The following GLI2 variants were observed in gnomAD, a reference collection of about 807,000 sequenced individuals.
GLI2 encodes the protein transcription activator GLI2.
A neutral mutation model predicts 78.9 loss-of-function variants in GLI2; 22 were observed. That is an observed-to-expected ratio of 0.28 (90% CI 0.20 to 0.40). GLI2 has a LOEUF of 0.40. Ranked by LOEUF, GLI2 falls within the 10% of genes least tolerant of loss-of-function variation. The probability of loss-of-function intolerance (pLI) is 1.00; values close to 1 mark genes in which losing one functional copy is unlikely to be tolerated. For missense variants in GLI2, 2,097 were observed against 2,213.2 expected (o/e 0.95, Z 1.05); for synonymous variants, 974 against 963.7 (o/e 1.01, Z -0.20).
In GLI2 at chr2:120,968,835, G is replaced by C. The variant is rs200901345; in HGVS notation, c.765G>C (p.Ser255=). Residue 255 remains serine, a synonymous_variant, in exon 6 of 14, where the codon TCG becomes TCC. Transcript: ENST00000361492. The part of the protein sequence containing the change: ...LQRMIRTSPN[S]LVAYINNSRS... ...GGATGATCCGCACCTCACCCAACTCGCTAGTGGCCTACATCAACAACTCCC... is the reference window on the plus strand; with the variant it reads ...GGATGATCCGCACCTCACCCAACTCCCTAGTGGCCTACATCAACAACTCCC... 1 of 1,613,802 alleles carries C rather than the reference G, an allele frequency of 6.2e-7. No individual in the cohort carries two copies. The highest frequency in any genetic ancestry group is 8.5e-7 in the Non-Finnish European group (1 of 1,179,978).
intron 4 of GLI2, among the ~76,000 whole-genome samples, chr2:120,953,529 A>G (rs187566548): frequency 6.6e-5 from 10 of 152,312 alleles, no homozygotes; most frequent in African/African-American, 2.4e-4. Flanking sequence ...ACTAATACAC[A>G]TGGTAACAGG....
At chr2:120,740,450 A>C (rs1380425318) in intron 1 of GLI2, among the ~76,000 whole-genome samples, 1 of 151,434 alleles carries the variant, frequency 6.6e-6, no homozygotes, top group Non-Finnish European at 1.5e-5. Context: ...AAAAAAAAAA[A>C]CAGGTTGCTG....
chr2:120,935,118 A>G (rs1680132046), intron 3 of GLI2, among the ~76,000 whole-genome samples: 1 of 152,214 alleles, frequency 6.6e-6, no homozygotes. Flanking sequence ...CTCTGCAAAC[A>G]TGCTCGTTTC....
intron 3 of GLI2, among the ~76,000 whole-genome samples, chr2:120,949,269 C>T (rs948452726): frequency 1.3e-5 from 2 of 152,256 alleles, no homozygotes; most frequent in Non-Finnish European, 2.9e-5. Flanking sequence ...CCCACCTCTA[C>T]AGGCAGGCTG....
intron 10 of GLI2, among the ~76,000 whole-genome samples, chr2:120,982,149 G>T (rs1682744342): frequency 6.6e-6 from 1 of 152,164 alleles, no homozygotes; most frequent in Non-Finnish European, 1.5e-5. Context: ...AGCCAGAGGG[G>T]TCGGTAGTAT....
intron 1 of GLI2, among the ~76,000 whole-genome samples, chr2:120,774,072 G>C (rs1295935029): frequency 6.6e-6 from 1 of 151,904 alleles, no homozygotes; most frequent in Non-Finnish European, 1.5e-5. Flanking sequence ...TGAGGAGCAG[G>C]CACCCCGATA....
intron 2 of GLI2, among the ~76,000 whole-genome samples, chr2:120,895,763 C>A (rs78596030): frequency 0.026 from 3,992 of 152,304 alleles, 175 homozygotes; most frequent in African/African-American, 0.091. Context: ...CAGTAAGTTT[C>A]CCTGGGAGGA....
chr2:120,907,436 C>T (rs903180866), intron 2 of GLI2, among the ~76,000 whole-genome samples: 4 of 152,164 alleles, frequency 2.6e-5, no homozygotes, highest in Non-Finnish European at 4.4e-5. Context: ...GACTCTGGGG[C>T]TCTGGGTGGC....
chr2:120,804,211 C>T (rs1391417236), intron 2 of GLI2, among the ~76,000 whole-genome samples: 1 of 152,210 alleles, frequency 6.6e-6, no homozygotes, highest in Non-Finnish European at 1.5e-5. Context: ...CACCACCTGC[C>T]TTACCACACC....
In GLI2 at chr2:120,986,431, G is replaced by T; in HGVS notation, c.2059G>T (p.Ala687Ser). 6.2e-7 allele frequency: 1 copy of T among 1,613,886 alleles called. No homozygotes were observed. The highest frequency in any genetic ancestry group is 8.5e-7 in the Non-Finnish European group (1 of 1,180,016). Residue 687 changes from alanine (A) to serine (S), a missense_variant, in exon 13 of 14, where the codon GCC becomes TCC. Transcript: ENST00000361492. ...GGCACTGGATGACACACCCCCAGGG[G>T]CCGACACCTCAGCCCTGGCTGCCCC... ...LTALDDTPPG[A>S]DTSALAAPSA...
chr2:120,989,642 C>T lies in GLI2; in HGVS notation c.3677C>T (p.Pro1226Leu), dbSNP rs2105093808. The T allele has an allele frequency of 6.2e-7, 1 of 1,613,366 alleles. No homozygotes were observed. Among genetic ancestry groups the T allele is most frequent in the Non-Finnish European group, 8.5e-7 (1 of 1,179,950 alleles). ...QCPGMTTTMS[P>L]HACYGQVHPQ... ...CCTGGCATGACTACCACTATGAGCC[C>T]CCATGCCTGCTATGGCCAAGTCCAC... is the stretch of plus-strand genomic sequence containing the variant. Residue 1226 changes from proline to leucine, a missense_variant, in exon 14 of 14, where the codon CCC becomes CTC. By Grantham distance (98) the Pro-to-Leu change is moderately conservative. This residue lies in a region of GLI2 where 1,290 missense variants were observed against 1,261.7 expected (regional missense o/e 1.02). Coordinates refer to ENST00000361492, the MANE Select transcript of GLI2 (RefSeq NM_001374353.1).
At chr2:120,772,313 A>G (rs1016125502) in intron 1 of GLI2, among the ~76,000 whole-genome samples, 2 of 151,218 alleles carry the variant, frequency 1.3e-5, no homozygotes, top group African/African-American at 2.4e-5. Flanking sequence ...TTCCCTCCCC[A>G]TCTCCAGCTC....
At chr2:120,855,418 T>G (rs1687599451) in intron 2 of GLI2, among the ~76,000 whole-genome samples, 1 of 152,204 alleles carries the variant, frequency 6.6e-6, no homozygotes, top group South Asian at 2.1e-4. Context: ...CACAGTGCAT[T>G]GTCCATCAGC....
chr2:120,894,064 G>A (rs1055237248), intron 2 of GLI2, among the ~76,000 whole-genome samples: 4 of 152,264 alleles, frequency 2.6e-5, no homozygotes, highest in Non-Finnish European at 4.4e-5. Flanking sequence ...GCTGAGGCCC[G>A]AGAGGCCTAT....
At chr2:120,905,375 A>G (rs920391058) in intron 2 of GLI2, among the ~76,000 whole-genome samples, 2 of 152,118 alleles carry the variant, frequency 1.3e-5, no homozygotes, top group African/African-American at 4.8e-5. Context: ...AGAACTGCCT[A>G]CCAGAGGGGC....
chr2:120,933,218 C>T (rs925303626), intron 3 of GLI2, among the ~76,000 whole-genome samples: 1 of 152,142 alleles, frequency 6.6e-6, no homozygotes, highest in Non-Finnish European at 1.5e-5. Context: ...ATGGCCTCCT[C>T]ATAGACACCC....
intron 11 of GLI2, among the ~76,000 whole-genome samples, chr2:120,984,137 C>CTAGT (rs1425175621): frequency 6.6e-6 from 1 of 152,160 alleles, no homozygotes. Flanking sequence ...TGAGCTCGTA[C>CTAGT]ACTTGCTACT....
chr2:120,990,871 A>T lies in GLI2; in HGVS notation c.*196A>T. The T allele has an allele frequency of 1.7e-6, 1 of 592,826 alleles. No individual in the cohort carries two copies. Among genetic ancestry groups the T allele is most frequent in the Non-Finnish European group, 3.0e-6 (1 of 334,610 alleles). 36.7% of individuals were successfully genotyped at this position (592,826 alleles called of 1,614,324 possible). On this transcript the variant is annotated 3_prime_UTR_variant, in exon 14 of 14. Coordinates refer to ENST00000361492, the MANE Select transcript of GLI2 (RefSeq NM_001374353.1). ...TCTCTGGTCTTTTGGATTATTCCTC[A>T]GAACAATGAAAAAAGTCTCCATAGG...
intron 3 of GLI2, among the ~76,000 whole-genome samples, chr2:120,938,786 C>T (rs1216220654): frequency 6.6e-6 from 1 of 152,164 alleles, no homozygotes; most frequent in African/African-American, 2.4e-5. Flanking sequence ...ATCATGTAGA[C>T]GACTGAGCCT....
Sources: allele counts gnomAD v4.1 joint callset (sites outside exome capture counted in the v4.1 genomes callset), GRCh38; gene constraint gnomAD v4.1.1; regional missense constraint gnomAD v4.1.1; transcripts MANE v1.5; gene names NCBI Gene and HGNC (gene_info 2026-07-23, HGNC 2026-07-21).